ARMH4: variants seen among roughly 807,000 people sequenced by gnomAD.
The protein encoded by ARMH4 is armadillo like helical domain containing 4.
Under a neutral mutation model 61.9 loss-of-function variants are expected in ARMH4, and 49 were observed. That is an observed-to-expected ratio of 0.79 (90% CI 0.63 to 1.00). The LOEUF (loss-of-function observed/expected upper bound fraction) is 1.00, where lower values mean the gene tolerates loss of function less well. Among genes scored for constraint, ARMH4 ranks in the 50% least tolerant of loss-of-function variants. ARMH4 has a pLI of 0.00. For synonymous variants in ARMH4, 368 were observed against 341.5 expected (o/e 1.08, Z -0.85); for missense variants, 934 against 930.0 (o/e 1.00, Z -0.06).
intron 5 of ARMH4, among the ~76,000 whole-genome samples, chr14:58,087,555 G>A (rs1885422382): frequency 6.6e-6 from 1 of 152,188 alleles, no homozygotes; most frequent in Non-Finnish European, 1.5e-5. Flanking sequence ...TTTAAAGGGA[G>A]GAGAAGGGAA....
intron 5 of ARMH4, among the ~76,000 whole-genome samples, chr14:58,089,685 G>C (rs1012292796): frequency 6.6e-6 from 1 of 152,196 alleles, no homozygotes; most frequent in Non-Finnish European, 1.5e-5. Context: ...CTGAAGACAC[G>C]TATCAATGCA....
intron 5 of ARMH4, among the ~76,000 whole-genome samples, chr14:58,018,831 C>T (rs1021269245): frequency 2.6e-5 from 4 of 152,256 alleles, no homozygotes; most frequent in African/African-American, 7.2e-5. Context: ...CTCATGTTCA[C>T]TGCAGCACTA....
chr14:58,143,242 C>G (rs1047433995), intron 1 of ARMH4, among the ~76,000 whole-genome samples: 12 of 152,122 alleles, frequency 7.9e-5, no homozygotes, highest in Non-Finnish European at 1.5e-5. Context: ...AATGACAGCA[C>G]GAGTACAATA....
At chr14:58,036,824 C>T (rs982963174) in intron 5 of ARMH4, among the ~76,000 whole-genome samples, 38 of 126,612 alleles carry the variant, frequency 3.0e-4, no homozygotes, top group Non-Finnish European at 3.5e-4. Context: ...GAATAAAATA[C>T]CTAGGAATCC....
At chr14:58,025,740 T>C (rs769382604) in intron 5 of ARMH4, among the ~76,000 whole-genome samples, 3 of 152,194 alleles carry the variant, frequency 2.0e-5, no homozygotes, top group Non-Finnish European at 4.4e-5. Context: ...AGCTACAGAT[T>C]ATTCTCTAAT....
At chr14:58,113,725 A>G (rs757743106) in intron 4 of ARMH4, among the ~76,000 whole-genome samples, 3 of 151,942 alleles carry the variant, frequency 2.0e-5, no homozygotes, top group Non-Finnish European at 1.5e-5. Context: ...TACACTCTCT[A>G]TAATGTCTTC....
At chr14:58,064,440 C>G (rs1299331694) in intron 5 of ARMH4, among the ~76,000 whole-genome samples, 1 of 152,146 alleles carries the variant, frequency 6.6e-6, no homozygotes, top group Non-Finnish European at 1.5e-5. Context: ...ACGACATTAT[C>G]AAGGAGTAAG....
At chr14:58,132,734 C>T (rs1029820653) in intron 3 of ARMH4, among the ~76,000 whole-genome samples, 3 of 152,020 alleles carry the variant, frequency 2.0e-5, no homozygotes, top group East Asian at 1.9e-4. Flanking sequence ...TACAGGCGCC[C>T]GCCACCACGC....
In ARMH4 at chr14:58,139,069, TG is replaced by T; in HGVS notation, c.289del (p.Gln97SerfsTer49). On this transcript the variant is annotated frameshift_variant, in exon 2 of 8. Transcript: ENST00000267485. LOFTEE classifies it high-confidence loss of function. ...NKAFSINKET[Q>X]PGQAGLMQTE... is the part of the protein sequence containing the mutation. ...TTGCATGAGCCCAGCTTGTCCAGGCTGGGTTTCTTTGTTAATCGAGAATGCT... is the reference window on the plus strand; with the variant it reads ...TTGCATGAGCCCAGCTTGTCCAGGCTGGTTTCTTTGTTAATCGAGAATGCT... 1.9e-6 allele frequency: 3 copies of T among 1,614,234 alleles called. No homozygotes were observed. Among genetic ancestry groups the T allele is most frequent in the Non-Finnish European group, 2.5e-6 (3 of 1,180,032 alleles).
chr14:58,141,505 G>A (rs780878067), intron 1 of ARMH4: 27 of 539,208 alleles, frequency 5.0e-5, no homozygotes, highest in South Asian at 5.6e-5. Flanking sequence ...CCTGCGAGGT[G>A]GCATTACTGA....
Position 58,133,226 on chromosome 14 carries a change from C to T in ARMH4, c.1485G>A (p.Glu495=), listed in dbSNP as rs147981947. 3.7e-6 allele frequency: 6 copies of T among 1,614,138 alleles called. No individual in the cohort carries two copies. Among genetic ancestry groups the T allele is most frequent in the South Asian group, 2.2e-5 (2 of 91,086 alleles). ...LELIRDSGKT[E]EEKEDPSPVS... is the part of the protein sequence containing the mutation. Reference sequence around the variant, plus strand: ...CAGGAGAGGGGTCCTCCTTTTCTTCCTCAGTCTTGCCACTGTCTCTGATAA... The same window carrying T: ...CAGGAGAGGGGTCCTCCTTTTCTTCTTCAGTCTTGCCACTGTCTCTGATAA... The change falls in exon 3 of 8, where the codon GAG becomes GAA. Residue 495 remains glutamate (E), a synonymous_variant. Coordinates refer to ENST00000267485, the MANE Select transcript of ARMH4 (RefSeq NM_001001872.4).
At chr14:58,084,580 C>T (rs1029413498) in intron 5 of ARMH4, among the ~76,000 whole-genome samples, 5 of 152,130 alleles carry the variant, frequency 3.3e-5, no homozygotes, top group African/African-American at 1.2e-4. Flanking sequence ...TTCATCAAAT[C>T]CTTCCTGTTC....
At chr14:58,005,732 G>C (rs1882145755) in intron 6 of ARMH4, among the ~76,000 whole-genome samples, 1 of 152,088 alleles carries the variant, frequency 6.6e-6, no homozygotes, top group African/African-American at 2.4e-5. Flanking sequence ...AAAAGGGGAG[G>C]GCTTCTGAAA....
Position 58,004,524 on chromosome 14 carries a change from C to T in ARMH4, c.*212G>A, listed in dbSNP as rs546457781. On this transcript the variant is annotated 3_prime_UTR_variant, in exon 8 of 8. Coordinates refer to ENST00000267485, the MANE Select transcript of ARMH4 (RefSeq NM_001001872.4). Reference sequence around the variant, plus strand: ...GCCCACGGTTGTGGAAAATTCACTACAGAATAAAACCAAATACTGCATGAT... The same window carrying T: ...GCCCACGGTTGTGGAAAATTCACTATAGAATAAAACCAAATACTGCATGAT... The T allele has an allele frequency of 1.3e-4, 54 of 422,650 alleles. No homozygotes were observed. The highest frequency in any genetic ancestry group is 9.8e-4 in the African/African-American group (49 of 50,256). The allele number at this position is 422,650 out of a possible 1,614,324, so 26.2% of individuals were successfully genotyped here. A position where few individuals can be genotyped will look rare whatever the true frequency, so the allele number is the denominator to read the frequency against.
At chr14:58,027,310 G>C (rs1248317733) in intron 5 of ARMH4, among the ~76,000 whole-genome samples, 2 of 151,858 alleles carry the variant, frequency 1.3e-5, no homozygotes, top group East Asian at 1.9e-4. Flanking sequence ...TTTTCTTTAA[G>C]TTGCAGTTTT....
At chr14:58,067,088 C>T (rs774803994) in intron 5 of ARMH4, among the ~76,000 whole-genome samples, 2 of 152,250 alleles carry the variant, frequency 1.3e-5, no homozygotes, top group Admixed American at 6.5e-5. Context: ...GTGAGTTTTC[C>T]CATCTTCTTC....
At chr14:58,145,153 C>T (rs1404942349) in intron 1 of ARMH4, among the ~76,000 whole-genome samples, 1 of 152,066 alleles carries the variant, frequency 6.6e-6, no homozygotes, top group Non-Finnish European at 1.5e-5. Flanking sequence ...TCTGAAAGCC[C>T]CAGGCCATCA....
At chr14:58,126,090 T>A (rs1475888789) in intron 4 of ARMH4, among the ~76,000 whole-genome samples, 1 of 152,112 alleles carries the variant, frequency 6.6e-6, no homozygotes, top group East Asian at 1.9e-4. Context: ...CCTCTTTGGG[T>A]CCCCTCCCTC....
intron 4 of ARMH4, among the ~76,000 whole-genome samples, chr14:58,107,721 G>A (rs916016996): frequency 7.2e-6 from 1 of 138,944 alleles, no homozygotes; most frequent in South Asian, 2.2e-4. Context: ...CTGAGATTAC[G>A]CCATTGCACT....
Sources: allele counts gnomAD v4.1 joint callset (sites outside exome capture counted in the v4.1 genomes callset), GRCh38; gene constraint gnomAD v4.1.1; transcripts MANE v1.5; gene names NCBI Gene and HGNC (gene_info 2026-07-23, HGNC 2026-07-21).